The following AGO2 variants were observed in gnomAD, a reference collection of about 807,000 sequenced individuals.
AGO2 encodes the protein protein argonaute-2.
Under a neutral mutation model 102.3 loss-of-function variants are expected in AGO2, and 5 were observed. The ratio of observed to expected loss-of-function variants is 0.05; its 90% confidence interval spans 0.03 to 0.10. AGO2 has a LOEUF of 0.10. AGO2 is among the 10% of genes least tolerant of loss of function. The pLI is 1.00. For missense variants in AGO2, 541 were observed against 1,183.7 expected (o/e 0.46, Z 7.97); for synonymous variants, 449 against 473.1 (o/e 0.95, Z 0.66).
At chr8:140,623,390 C>T (rs1403210609) in intron 1 of AGO2, among the ~76,000 whole-genome samples, 1 of 152,148 alleles carries the variant, frequency 6.6e-6, no homozygotes, top group Non-Finnish European at 1.5e-5. Flanking sequence ...GAATGCGCTA[C>T]ACGCCACTGA....
chr8:140,595,564 C>A (rs1226803555), intron 1 of AGO2, among the ~76,000 whole-genome samples: 1 of 145,634 alleles, frequency 6.9e-6, no homozygotes, highest in Non-Finnish European at 1.5e-5. Flanking sequence ...GTCCCAGCCT[C>A]CCAAATAGCT....
At chr8:140,596,862 C>T (rs945026948) in intron 1 of AGO2, among the ~76,000 whole-genome samples, 20 of 152,098 alleles carry the variant, frequency 1.3e-4, no homozygotes, top group African/African-American at 7.2e-5. Context: ...GCTGTGTCGT[C>T]GTGACCGCTG....
chr8:140,561,205 C>T (rs532715369), intron 4 of AGO2, among the ~76,000 whole-genome samples: 2 of 152,360 alleles, frequency 1.3e-5, no homozygotes, highest in South Asian at 2.1e-4. Flanking sequence ...GCACGGGCAC[C>T]GTGGGGTCTG....
At chr8:140,575,863 G>A (rs1048482602) in intron 2 of AGO2, among the ~76,000 whole-genome samples, 1 of 152,158 alleles carries the variant, frequency 6.6e-6, no homozygotes, top group African/African-American at 2.4e-5. Context: ...ACTGAGAAAT[G>A]CCTAGAAGAA....
At chr8:140,632,327 G>A (rs2074352486) in intron 1 of AGO2, among the ~76,000 whole-genome samples, 1 of 152,264 alleles carries the variant, frequency 6.6e-6, no homozygotes, top group Non-Finnish European at 1.5e-5. Context: ...CCCACGGGTA[G>A]AGGGTGATAT....
Position 140,540,474 on chromosome 8 carries a change from G to A in AGO2, c.2034+690C>T, listed in dbSNP as rs1343851508. 1.3e-5 allele frequency among the ~76,000 whole-genome samples: 2 copies of A among 152,216 alleles called. No homozygotes were observed. Among genetic ancestry groups the A allele is most frequent in the Non-Finnish European group, 1.5e-5 (1 of 68,030 alleles). On this transcript the variant is annotated intron_variant, in intron 15 of 18. Transcript: ENST00000220592. This position sits in a 1 kb window ranked among gnomAD's most constrained non-coding sequence, Gnocchi z 5.0. ...GGGAGGAATCGGCTCTAGCCAACGG[G>A]AGAAACATTCAGGGCACCCATCGCC...
intron 2 of AGO2, among the ~76,000 whole-genome samples, chr8:140,575,190 G>C (rs2132983448): frequency 6.6e-6 from 1 of 152,214 alleles, no homozygotes; most frequent in African/African-American, 2.4e-5. Flanking sequence ...GCATGGCCCT[G>C]GCATCCATCC....
At chr8:140,535,420 A>G in intron 17 of AGO2, 48 bp downstream of exon 17, 1 of 1,584,796 alleles carries the variant, frequency 6.3e-7, no homozygotes, top group Non-Finnish European at 8.7e-7. Context: ...TGTGGGGATG[A>G]CACGGCAGAC....
rs1351760344 is a variant in AGO2, at chr8:140,606,530, G to C, written c.23-21219C>G. Among the ~76,000 whole-genome samples, 11 of 152,222 alleles carry C rather than the reference G, an allele frequency of 7.2e-5. 2 individuals carry two copies. The highest frequency in any genetic ancestry group is 7.2e-4 in the Admixed American group (11 of 15,288). On this transcript the variant is annotated intron_variant, in intron 1 of 18. Transcript: ENST00000220592. ...AGGACTCACTAAACATTCTCCAAAA[G>C]TTGATGCCTTCAGCACAATGTGAAA...
chr8:140,605,610 C>T (rs1054185812), intron 1 of AGO2, among the ~76,000 whole-genome samples: 2 of 152,172 alleles, frequency 1.3e-5, no homozygotes, highest in African/African-American at 4.8e-5. Flanking sequence ...CGCAGGGGTG[C>T]CCAGCGGTAG....
intron 1 of AGO2, among the ~76,000 whole-genome samples, chr8:140,590,417 G>A (rs2073730348): frequency 6.6e-6 from 1 of 152,162 alleles, no homozygotes; most frequent in Admixed American, 6.5e-5. Flanking sequence ...GGAAGCGGAG[G>A]CACAGATGGG....
At chr8:140,615,615 A>T (rs1394604214) in intron 1 of AGO2, among the ~76,000 whole-genome samples, 1 of 152,272 alleles carries the variant, frequency 6.6e-6, no homozygotes. Flanking sequence ...ATCAGGTAGG[A>T]AATGGTGGCT....
At chr8:140,566,084 C>T (rs1390288614) in intron 3 of AGO2, among the ~76,000 whole-genome samples, 1 of 151,884 alleles carries the variant, frequency 6.6e-6, no homozygotes, top group Non-Finnish European at 1.5e-5. Context: ...GGGGAATCAG[C>T]GCCTGTTATG....
intron 11 of AGO2, among the ~76,000 whole-genome samples, chr8:140,550,204 C>T (rs573712814): frequency 2.3e-4 from 35 of 152,316 alleles, no homozygotes; most frequent in African/African-American, 7.7e-4. Context: ...GATGGCCACT[C>T]GCCAGCAAGA....
In AGO2 at chr8:140,527,943, A is replaced by G. The variant is rs2072532139; in HGVS notation, c.*4101T>C. 6.6e-6 allele frequency: 1 copy of G among 152,254 alleles called. No homozygotes were observed. Among genetic ancestry groups the G allele is most frequent in the Non-Finnish European group, 1.5e-5 (1 of 68,054 alleles). 9.4% of individuals were successfully genotyped at this position (152,254 alleles called of 1,614,324 possible). On this transcript the variant is annotated 3_prime_UTR_variant, in exon 19 of 19. Transcript: ENST00000220592. This position sits in a 1 kb window ranked among gnomAD's most constrained non-coding sequence, Gnocchi z 6.0. The stretch of plus-strand genomic sequence containing the variant: ...GCCGAAGGACTCATCCAGTTCCCAG[A>G]GGCGCAGGGAACAAGCCACGGGCCA...
At chr8:140,563,200 C>T (rs982217106) in intron 3 of AGO2, among the ~76,000 whole-genome samples, 4 of 152,200 alleles carry the variant, frequency 2.6e-5, no homozygotes, top group Non-Finnish European at 4.4e-5. Flanking sequence ...ATATGTTATC[C>T]TCACATGCCC....
At chr8:140,568,103 C>CAAAAAAAA (rs553804959) in intron 3 of AGO2, among the ~76,000 whole-genome samples, 17 of 110,642 alleles carry the variant, frequency 1.5e-4, no homozygotes, top group African/African-American at 2.9e-4. Context: ...ACTAAAAATA[C>CAAAAAAAA]AAAAAAAAAA....
upstream of AGO2, chr8:140,636,344 CA>C (rs1346613970): frequency 6.6e-6 from 1 of 152,278 alleles, no homozygotes; most frequent in Non-Finnish European, 1.5e-5. Context: ...TTCCAGCAGT[CA>C]GGGGCCTGCT....
intron 18 of AGO2, 85 bp from the exon 19 acceptor site, chr8:140,532,237 C>T: frequency 1.2e-5 from 17 of 1,446,928 alleles, no homozygotes; most frequent in Non-Finnish European, 1.6e-5. Flanking sequence ...GTCGGGATGG[C>T]ATGGCGGGAA....
Sources: gnomAD v4.1 joint callset for allele counts (sites outside exome capture counted in the v4.1 genomes callset) on GRCh38, gnomAD v4.1.1 for gene constraint, Gnocchi (gnomAD v3.1) non-coding constraint, MANE v1.5 for transcripts, NCBI Gene and HGNC (gene_info 2026-07-23, HGNC 2026-07-21) for gene names.